The following SESTD1 variants were observed in gnomAD, a reference collection of about 807,000 sequenced individuals.
SESTD1 encodes the protein SEC14 and spectrin domain containing 1.
A neutral mutation model predicts 101.7 loss-of-function variants in SESTD1; 43 were observed. The ratio of observed to expected loss-of-function variants is 0.42; its 90% confidence interval spans 0.33 to 0.55. The LOEUF (loss-of-function observed/expected upper bound fraction) is 0.55. SESTD1 is among the 20% of genes least tolerant of loss of function. The pLI is 0.07. For synonymous variants in SESTD1, 283 were observed against 286.8 expected (o/e 0.99, Z 0.13); for missense variants, 647 against 815.1 (o/e 0.79, Z 2.51).
chr2:179,184,437 G>A (rs549528600), intron 2 of SESTD1, among the ~76,000 whole-genome samples: 4 of 152,116 alleles, frequency 2.6e-5, no homozygotes, highest in African/African-American at 7.2e-5. Context: ...TTAGGTCAAC[G>A]ATTACTGCCA....
chr2:179,161,846 C>T lies in SESTD1; in HGVS notation c.369+10274G>A, dbSNP rs570972509. Among the ~76,000 whole-genome samples the T allele has an allele frequency of 6.6e-5, 10 of 152,220 alleles. No individual in the cohort carries two copies. In the South Asian group the frequency reaches 2.1e-3, roughly 32 times the overall value. ...TTTGCAGTCCTGGACTGGTAGATAA[C>T]TCTTTGAATGTGTAAAGTCTTTTAT... On this transcript the variant is annotated intron_variant, in intron 5 of 17. Coordinates refer to ENST00000428443, the MANE Select transcript of SESTD1 (RefSeq NM_178123.5).
chr2:179,142,432 GAGA>G (rs958526883), intron 9 of SESTD1, among the ~76,000 whole-genome samples: 2 of 152,180 alleles, frequency 1.3e-5, no homozygotes, highest in African/African-American at 4.8e-5. Context: ...GGGAAAGAAA[GAGA>G]GGAAAAGAGG....
chr2:179,195,000 G>A (rs1207719594), intron 1 of SESTD1, among the ~76,000 whole-genome samples: 1 of 152,132 alleles, frequency 6.6e-6, no homozygotes, highest in East Asian at 1.9e-4. Flanking sequence ...ACAGAATAAG[G>A]GGAACAGAGC....
In SESTD1 at chr2:179,105,595, T is replaced by C. The variant is rs1272376700; in HGVS notation, c.*4304A>G. 4 of 152,176 alleles carry C rather than the reference T, an allele frequency of 2.6e-5. No individual in the cohort carries two copies. The highest frequency in any genetic ancestry group is 7.2e-5 in the African/African-American group (3 of 41,444). The allele number at this position is 152,176 out of a possible 1,614,324, so 9.4% of individuals were successfully genotyped here. A position where few individuals can be genotyped will look rare whatever the true frequency, so the allele number is the denominator to read the frequency against. On this transcript the variant is annotated 3_prime_UTR_variant, in exon 18 of 18. Transcript: ENST00000428443. ...ATGCCATTTCCTCACCATCCCATGC[T>C]TGTCATGTGAGACAACAGAAAGGAT...
chr2:179,159,244 A>G (rs1287330891), intron 5 of SESTD1, among the ~76,000 whole-genome samples: 1 of 152,206 alleles, frequency 6.6e-6, no homozygotes, highest in Non-Finnish European at 1.5e-5. Flanking sequence ...CTCTGTTTAC[A>G]AAGGTGAAAA....
At chr2:179,160,960 C>A (rs191167250) in intron 5 of SESTD1, among the ~76,000 whole-genome samples, 2 of 151,846 alleles carry the variant, frequency 1.3e-5, no homozygotes, top group Non-Finnish European at 1.5e-5. Flanking sequence ...GAGACAGGGT[C>A]TCTCTCTGGC....
chr2:179,206,880 G>A (rs1178564609), intron 1 of SESTD1, among the ~76,000 whole-genome samples: 1 of 133,650 alleles, frequency 7.5e-6, no homozygotes, highest in African/African-American at 3.0e-5. Flanking sequence ...AGGTGGGAGT[G>A]AGACTGGCCT....
At chr2:179,146,144 G>C (rs1278796669) in intron 8 of SESTD1, among the ~76,000 whole-genome samples, 2 of 151,764 alleles carry the variant, frequency 1.3e-5, no homozygotes, top group African/African-American at 4.8e-5. Context: ...AACTATGCAC[G>C]CGAGGGATCC....
At chr2:179,168,570 T>C (rs2105470629) in intron 5 of SESTD1, among the ~76,000 whole-genome samples, 1 of 151,156 alleles carries the variant, frequency 6.6e-6, no homozygotes, top group Middle Eastern at 3.5e-3. Context: ...AAAATAGACA[T>C]ACAGATTTTC....
intron 9 of SESTD1, among the ~76,000 whole-genome samples, chr2:179,138,027 T>A (rs753433212): frequency 6.6e-6 from 1 of 152,168 alleles, no homozygotes; most frequent in Admixed American, 6.5e-5. Flanking sequence ...TTCCTTAAAA[T>A]GTGACCTGTG....
chr2:179,241,877 A>T lies in SESTD1; in HGVS notation c.-26+22622T>A, dbSNP rs998989799. Among the ~76,000 whole-genome samples, 3 of 151,524 alleles carry T rather than the reference A, an allele frequency of 2.0e-5. No individual in the cohort carries two copies. In the East Asian group the frequency reaches 5.8e-4, roughly 29 times the overall value. On this transcript the variant is annotated intron_variant, in intron 1 of 17. Coordinates refer to ENST00000428443, the MANE Select transcript of SESTD1 (RefSeq NM_178123.5). Reference sequence around the variant, plus strand: ...GCGGAGCCTGCAGTGAGCTGAGATCATGCCATTGCACTCCAGCCTGGGTGA... The same window carrying T: ...GCGGAGCCTGCAGTGAGCTGAGATCTTGCCATTGCACTCCAGCCTGGGTGA...
chr2:179,114,293 C>A (rs1483691235), intron 16 of SESTD1, among the ~76,000 whole-genome samples: 1 of 152,126 alleles, frequency 6.6e-6, no homozygotes, highest in Non-Finnish European at 1.5e-5. Flanking sequence ...AACTTTAATT[C>A]CTGAGGTTCC....
chr2:179,193,081 A>C (rs897761657), intron 1 of SESTD1, among the ~76,000 whole-genome samples: 1 of 152,192 alleles, frequency 6.6e-6, no homozygotes, highest in Non-Finnish European at 1.5e-5. Context: ...TAAAAACTCC[A>C]GAAACAGCCC....
At chr2:179,251,843 A>T (rs953764595) in intron 1 of SESTD1, among the ~76,000 whole-genome samples, 1 of 152,214 alleles carries the variant, frequency 6.6e-6, no homozygotes, top group South Asian at 2.1e-4. Flanking sequence ...CACCAGATAC[A>T]AAATCTGCCG....
intron 10 of SESTD1, among the ~76,000 whole-genome samples, chr2:179,128,262 A>T (rs1294252466): frequency 1.3e-5 from 2 of 152,228 alleles, no homozygotes; most frequent in African/African-American, 4.8e-5. Flanking sequence ...GGATGTAAAT[A>T]CATTGTGAGG....
Position 179,212,441 on chromosome 2 carries a change from G to A in SESTD1, c.-25-20575C>T, listed in dbSNP as rs1211877276. ...AACTGTGAGGCAGCAGCCTGGCTGG[G>A]GGAGGGGTGTCCACCATTGCTGAAG... On this transcript the variant is annotated intron_variant, in intron 1 of 17. Transcript: ENST00000428443. Among the ~76,000 whole-genome samples, 7 of 136,180 alleles carry A rather than the reference G, an allele frequency of 5.1e-5. 2 individuals are homozygous for A. The highest frequency in any genetic ancestry group is 1.1e-4 in the Non-Finnish European group (7 of 63,046). The allele number at this position is 136,180 out of a possible 152,430, so 89.3% of individuals were successfully genotyped here. A position where few individuals can be genotyped will look rare whatever the true frequency, so the allele number is the denominator to read the frequency against.
intron 1 of SESTD1, among the ~76,000 whole-genome samples, chr2:179,261,511 C>T (rs1448811649): frequency 1.3e-5 from 2 of 152,046 alleles, no homozygotes; most frequent in Non-Finnish European, 2.9e-5. Context: ...TCATTTAAAA[C>T]ATTAAATGAG....
chr2:179,243,234 T>C (rs920092864), intron 1 of SESTD1, among the ~76,000 whole-genome samples: 1 of 152,028 alleles, frequency 6.6e-6, no homozygotes, highest in African/African-American at 2.4e-5. Context: ...AGAATGGCTA[T>C]TATTAAAAAG....
intron 1 of SESTD1, among the ~76,000 whole-genome samples, chr2:179,250,690 C>G (rs1225156906): frequency 8.3e-6 from 1 of 120,664 alleles, no homozygotes; most frequent in Non-Finnish European, 1.6e-5. Context: ...CCAATTTCAA[C>G]TAAAATCACT....
Sources: gnomAD v4.1 joint callset for allele counts (sites outside exome capture counted in the v4.1 genomes callset) on GRCh38, gnomAD v4.1.1 for gene constraint, MANE v1.5 for transcripts, NCBI Gene and HGNC (gene_info 2026-07-23, HGNC 2026-07-21) for gene names.